Variants in TMEM117 observed in about 807,000 individuals in gnomAD.
TMEM117 encodes transmembrane protein 117.
Under a neutral mutation model 52.4 loss-of-function variants are expected in TMEM117, and 27 were observed. The ratio of observed to expected loss-of-function variants is 0.51; its 90% CI spans 0.38 to 0.71. The LOEUF is 0.71. Ranked by LOEUF, TMEM117 falls within the 30% of genes least tolerant of loss-of-function variation. TMEM117 has a pLI of 0.00. For missense variants in TMEM117, 556 were observed against 630.5 expected, an observed-to-expected ratio of 0.88 and a Z score of 1.26; for synonymous variants, 215 against 206.3, an observed-to-expected ratio of 1.04 and a Z score of -0.36.
At chr12:43,978,059 G>C (rs1945701441) in intron 3 of TMEM117, among the ~76,000 whole-genome samples, 1 of 152,108 alleles carries the variant, frequency 6.6e-6, no homozygotes, top group African/African-American at 2.4e-5. Context: ...TGGCAATCTG[G>C]GCATTGCAGG....
intron 6 of TMEM117, among the ~76,000 whole-genome samples, chr12:44,300,018 G>GA (rs533867382): frequency 2.0e-5 from 3 of 151,394 alleles, no homozygotes; most frequent in South Asian, 2.1e-4. Context: ...GCTTTAGGGG[G>GA]AAAAAAAACA....
intron 4 of TMEM117, among the ~76,000 whole-genome samples, chr12:44,167,141 C>T (rs1448372119): frequency 6.6e-6 from 1 of 152,092 alleles, no homozygotes; most frequent in Admixed American, 6.5e-5. Context: ...TGCAATAAAA[C>T]GTCCTCCATT....
chr12:44,194,759 A>G (rs1439989324), intron 4 of TMEM117, among the ~76,000 whole-genome samples: 2 of 152,170 alleles, frequency 1.3e-5, no homozygotes, highest in Admixed American at 6.5e-5. Context: ...TGAGCCCAGG[A>G]GGCCGAGGTT....
chr12:43,997,873 A>G (rs1266741353), intron 3 of TMEM117, among the ~76,000 whole-genome samples: 2 of 152,214 alleles, frequency 1.3e-5, no homozygotes, highest in Non-Finnish European at 2.9e-5. Context: ...TCCCAAGATC[A>G]CATACCTAGT....
At chr12:44,152,277 T>C (rs1948746073) in intron 4 of TMEM117, among the ~76,000 whole-genome samples, 1 of 105,432 alleles carries the variant, frequency 9.5e-6, no homozygotes, top group Non-Finnish European at 1.6e-5. Context: ...CATATTTATA[T>C]TATATATAAT....
intron 6 of TMEM117, among the ~76,000 whole-genome samples, chr12:44,348,588 AT>A (rs1214838919): frequency 1.3e-5 from 2 of 152,122 alleles, no homozygotes; most frequent in East Asian, 3.9e-4. Context: ...TTTTTAAAAC[AT>A]TTTGTGTTTA....
intron 3 of TMEM117, among the ~76,000 whole-genome samples, chr12:44,095,506 T>C (rs1592511301): frequency 1.3e-5 from 2 of 152,074 alleles, no homozygotes; most frequent in African/African-American, 2.4e-5. Flanking sequence ...ATGGAAGATA[T>C]GTGTTTAGTT....
chr12:44,388,526 G>A lies in TMEM117; in HGVS notation c.1399G>A (p.Val467Ile). ...AGACCCCTTGAATGACCCTTCTTTG[G>A]TTTGCATCAGGTCTGACTTCAATGA... ...VEDPLNDPSL[V>I]CIRSDFNEIV... The change falls in exon 8 of 8, where the codon GTT becomes ATT. Residue 467 changes from valine to isoleucine, a missense_variant. Transcript: ENST00000266534. 2 of 1,613,508 alleles carry A rather than the reference G, an allele frequency of 1.2e-6. No homozygotes were observed. The highest frequency in any genetic ancestry group is 2.2e-5 in the East Asian group (1 of 44,826).
At chr12:43,867,423 A>G (rs1943621961) in intron 2 of TMEM117, among the ~76,000 whole-genome samples, 2 of 152,226 alleles carry the variant, frequency 1.3e-5, no homozygotes, top group South Asian at 4.1e-4. Context: ...AGAGGAGCAG[A>G]GGAAGAGTAT....
chr12:43,915,792 A>G (rs1040241197), intron 2 of TMEM117, among the ~76,000 whole-genome samples: 6 of 152,188 alleles, frequency 3.9e-5, no homozygotes, highest in Admixed American at 3.9e-4. Context: ...AGTGGTGTTT[A>G]CTGAGTGTAG....
chr12:44,248,915 T>A (rs576539061), intron 5 of TMEM117: 2 of 152,980 alleles, frequency 1.3e-5, no homozygotes, highest in African/African-American at 4.8e-5. Flanking sequence ...ACTTTGAGGT[T>A]AATGGTCCCG....
At position 44,243,715 on chromosome 12, in the gene TMEM117, G is replaced by A. The variant is rs184013368; in HGVS notation, c.608+32328G>A. 4.6e-5 allele frequency among the ~76,000 whole-genome samples: 7 copies of A among 151,790 alleles called. No individual in the cohort carries two copies. The East Asian group carries it at 5.8e-4, about 13-fold the overall frequency. ...GTCACTGTGCTGTGCCATTCTGATC[G>A]CTAAAACTTATTCCTCCTAACTGAA... On this transcript the variant is annotated intron_variant, in intron 5 of 7. Transcript: ENST00000266534.
intron 5 of TMEM117, among the ~76,000 whole-genome samples, chr12:44,297,343 T>C (rs765929130): frequency 6.6e-6 from 1 of 152,182 alleles, no homozygotes; most frequent in Non-Finnish European, 1.5e-5. Flanking sequence ...AGTAATGATA[T>C]TAAAAATACC....
chr12:43,907,171 C>G (rs1023016027), intron 2 of TMEM117, among the ~76,000 whole-genome samples: 3 of 152,216 alleles, frequency 2.0e-5, no homozygotes, highest in African/African-American at 7.2e-5. Context: ...ACTGCCCCCT[C>G]AAGTGGGTCC....
chr12:44,391,873 T>C (rs574353486), downstream of TMEM117, among the ~76,000 whole-genome samples: 6 of 152,220 alleles, frequency 3.9e-5, no homozygotes, highest in South Asian at 1.2e-3. Flanking sequence ...TATTGGTTTT[T>C]CCCTCTGAGA....
chr12:44,127,751 G>C (rs1053707400), intron 3 of TMEM117, among the ~76,000 whole-genome samples: 1 of 152,074 alleles, frequency 6.6e-6, no homozygotes, highest in Non-Finnish European at 1.5e-5. Context: ...TTGAAAGGCT[G>C]CAGAAGCAAA....
At chr12:44,003,625 T>C (rs1172409232) in intron 3 of TMEM117, among the ~76,000 whole-genome samples, 2 of 152,208 alleles carry the variant, frequency 1.3e-5, no homozygotes, top group African/African-American at 2.4e-5. Flanking sequence ...CTCTGTCCCA[T>C]GCATGAATAA....
At chr12:44,034,001 A>G (rs778154178) in intron 3 of TMEM117, among the ~76,000 whole-genome samples, 9 of 152,182 alleles carry the variant, frequency 5.9e-5, no homozygotes, top group African/African-American at 1.2e-4. Flanking sequence ...TACCTAGTCA[A>G]TGGCAAAGAT....
chr12:44,299,496 T>C lies in TMEM117; in HGVS notation c.609-84T>C, dbSNP rs560207687. The C allele has an allele frequency of 1.8e-5, 28 of 1,521,792 alleles. No individual in the cohort carries two copies. The East Asian group carries it at 6.4e-4, about 35-fold the overall frequency. 94.3% of individuals were successfully genotyped at this position (1,521,792 alleles called of 1,614,324 possible). ...GTAGGTGCTTGCCAAGGGGCAGACATTTAATACAACACAGATAACATGCAC... is the reference window on the plus strand; with the variant it reads ...GTAGGTGCTTGCCAAGGGGCAGACACTTAATACAACACAGATAACATGCAC... On this transcript the variant is annotated intron_variant, in intron 5 of 7. Coordinates refer to ENST00000266534, the MANE Select transcript of TMEM117 (RefSeq NM_032256.3).
Sources: allele counts gnomAD v4.1 joint callset (sites outside exome capture counted in the v4.1 genomes callset), GRCh38; gene constraint gnomAD v4.1.1; transcripts MANE v1.5; gene names NCBI Gene and HGNC (gene_info 2026-07-23, HGNC 2026-07-21).